FYB2: variants seen among roughly 807,000 people sequenced by gnomAD.
FYB2 encodes FYN binding protein 2, also known as FYN-binding protein 2.
FYB2 carries 103 observed loss-of-function variants against 94.1 expected under a neutral mutation model. The ratio of observed to expected loss-of-function variants is 1.09; its 90% CI spans 0.93 to 1.29. The LOEUF is 1.29. Ranked by LOEUF, FYB2 falls within the 50% of genes most tolerant of loss-of-function variation. The pLI, the probability that FYB2 is intolerant of heterozygous loss-of-function variation, is 0.00. For missense variants in FYB2, 896 were observed against 841.5 expected, an observed-to-expected ratio of 1.06 and a Z score of -0.80; for synonymous variants, 293 against 287.9, an observed-to-expected ratio of 1.02 and a Z score of -0.18.
At chr1:56,802,738 T>C (rs1279500297) in intron 1 of FYB2, among the ~76,000 whole-genome samples, 2 of 152,088 alleles carry the variant, frequency 1.3e-5, no homozygotes, top group Non-Finnish European at 2.9e-5. Context: ...GAGGAGGAAA[T>C]ATTTTGGTGT....
At chr1:56,779,694 A>T (rs927521807) in intron 4 of FYB2, among the ~76,000 whole-genome samples, 2 of 152,112 alleles carry the variant, frequency 1.3e-5, no homozygotes, top group Non-Finnish European at 2.9e-5. Context: ...CTGGCCCATC[A>T]CTCAGTCATT....
intron 8 of FYB2, 37 bp downstream of exon 8, chr1:56,753,802 A>G (rs1645258667): frequency 2.1e-6 from 3 of 1,440,972 alleles, no homozygotes; most frequent in South Asian, 2.3e-5. Context: ...CTGATCTGTT[A>G]TATGTCTAAA....
At chr1:56,813,028 T>C (rs1307845860) in intron 1 of FYB2, among the ~76,000 whole-genome samples, 5 of 152,178 alleles carry the variant, frequency 3.3e-5, no homozygotes, top group African/African-American at 1.2e-4. Context: ...GGGAAGGATC[T>C]GTACCAGACC....
At chr1:56,758,033 C>G (rs191019223) in intron 6 of FYB2, among the ~76,000 whole-genome samples, 1 of 151,254 alleles carries the variant, frequency 6.6e-6, no homozygotes, top group Admixed American at 6.6e-5. Flanking sequence ...TCTGCCTTGG[C>G]CTCCCAAAGT....
rs139449725 is a variant in FYB2 at position 56,780,231 on chromosome 1, T to A, written c.953+6944A>T. Among the ~76,000 whole-genome samples the A allele has an allele frequency of 2.7e-3, 407 of 152,312 alleles. 1 individual carries two copies. Among genetic ancestry groups the A allele is most frequent in the African/African-American group, 9.1e-3 (377 of 41,572 alleles). Reference sequence around the variant, plus strand: ...TCTCAATCATGACTTTTCTGGCTTATCATCTGAATGCCACTGAAGAGAAAA... The same window carrying A: ...TCTCAATCATGACTTTTCTGGCTTAACATCTGAATGCCACTGAAGAGAAAA... On this transcript the variant is annotated intron_variant, in intron 4 of 19. Transcript: ENST00000343433.
At position 56,748,589 on chromosome 1, in the gene FYB2, C is replaced by T. The variant is rs146548963; in HGVS notation, c.1387+2455G>A. ...TGATGTTACCTTCTCACTCTTTTAACGGTATATTTTAATGATTGTATCCTA... is the reference window on the plus strand; with the variant it reads ...TGATGTTACCTTCTCACTCTTTTAATGGTATATTTTAATGATTGTATCCTA... On this transcript the variant is annotated intron_variant, in intron 9 of 19. Transcript: ENST00000343433. 6.7e-4 allele frequency among the ~76,000 whole-genome samples: 102 copies of T among 151,978 alleles called. 1 individual carries two copies. Among genetic ancestry groups the T allele is most frequent in the Admixed American group, 1.5e-3 (23 of 15,236 alleles).
chr1:56,733,610 C>G (rs1644762781), intron 15 of FYB2, among the ~76,000 whole-genome samples: 4 of 152,104 alleles, frequency 2.6e-5, no homozygotes, highest in Admixed American at 2.0e-4. Flanking sequence ...TTAAATGTGT[C>G]CCAGAGATTC....
Position 56,792,505 on chromosome 1 carries a change from C to T in FYB2, c.308G>A (p.Cys103Tyr). The change falls in exon 2 of 20, where the codon TGT becomes TAT. Residue 103 changes from cysteine (C) to tyrosine (Y), a missense_variant. Cys to Tyr is a radical substitution (Grantham distance 194, BLOSUM62 -2). Transcript: ENST00000343433. ...AGCCTTCTGTGAACTTGTTGCAGAA[C>T]ATACAGTAGACTTTCCCAGAGGCCC... ...SPGPLGKSTV[C>Y]SATSSQKASL... The T allele has an allele frequency of 6.2e-7, 1 of 1,614,142 alleles. No individual in the cohort carries two copies. The highest frequency in any genetic ancestry group is 8.5e-7 in the Non-Finnish European group (1 of 1,180,006).
At chr1:56,722,649 G>C (rs1569841241) in intron 17 of FYB2, among the ~76,000 whole-genome samples, 1 of 152,132 alleles carries the variant, frequency 6.6e-6, no homozygotes, top group African/African-American at 2.4e-5. Context: ...CAAAGATAGA[G>C]GTGGAGGTTC....
At chr1:56,778,330 T>C (rs1645930518) in intron 4 of FYB2, among the ~76,000 whole-genome samples, 1 of 152,222 alleles carries the variant, frequency 6.6e-6, no homozygotes, top group Admixed American at 6.5e-5. Context: ...ATTACTTTAT[T>C]ACTCTTTGTA....
intron 15 of FYB2, among the ~76,000 whole-genome samples, chr1:56,728,523 A>G (rs1644633220): frequency 6.6e-6 from 1 of 152,134 alleles, no homozygotes; most frequent in African/African-American, 2.4e-5. Flanking sequence ...TATCTTGATA[A>G]AAAAGGGAGT....
At chr1:56,788,162 A>G (rs1646174778) in intron 3 of FYB2, among the ~76,000 whole-genome samples, 2 of 152,306 alleles carry the variant, frequency 1.3e-5, no homozygotes, top group South Asian at 4.1e-4. Flanking sequence ...TCTGATGTAC[A>G]CTCAAGTTTG....
In FYB2 at chr1:56,792,586, G is replaced by A. The variant is rs145422125; in HGVS notation, c.227C>T (p.Pro76Leu). 1.9e-6 allele frequency: 3 copies of A among 1,614,100 alleles called. No individual in the cohort carries two copies. Among genetic ancestry groups the A allele is most frequent in the Non-Finnish European group, 1.7e-6 (2 of 1,179,992 alleles). Residue 76 changes from proline (P) to leucine (L), a missense_variant, in exon 2 of 20, where the codon CCT becomes CTT. By Grantham distance (98) the Pro-to-Leu change is moderately conservative. Transcript: ENST00000343433. ...CSSSESQPLQ[P>L]QKIKLAQKSE... ...CTTCTGAGCCAACTTTATTTTCTGA[G>A]GTTGAAGAGGCTGGGACTCACTACT...
chr1:56,794,669 C>T (rs1347256865), intron 1 of FYB2, among the ~76,000 whole-genome samples: 1 of 152,032 alleles, frequency 6.6e-6, no homozygotes, highest in East Asian at 1.9e-4. Flanking sequence ...CTTTATCTCT[C>T]TAACACACAC....
At chr1:56,737,569 G>C (rs1449112196) in intron 14 of FYB2, 1 of 153,252 alleles carries the variant, frequency 6.5e-6, no homozygotes, top group African/African-American at 2.4e-5. Context: ...CAGTAATGTT[G>C]ATTTTTCTTC....
At chr1:56,784,084 G>A (rs1201166832) in intron 4 of FYB2, among the ~76,000 whole-genome samples, 2 of 152,092 alleles carry the variant, frequency 1.3e-5, no homozygotes, top group Non-Finnish European at 2.9e-5. Context: ...ATCTTAAGAT[G>A]TAGACCTTTA....
At chr1:56,776,331 C>T (rs759674054) in intron 4 of FYB2, among the ~76,000 whole-genome samples, 1 of 152,076 alleles carries the variant, frequency 6.6e-6, no homozygotes, top group Non-Finnish European at 1.5e-5. Context: ...CTTTGCCTGA[C>T]ATTATCACCT....
chr1:56,818,455 AACACACACAC>A lies in FYB2; in HGVS notation c.9+817_9+826del, dbSNP rs3991685. Among the ~76,000 whole-genome samples the A allele has an allele frequency of 6.2e-3, 869 of 139,914 alleles. 6 individuals carry two copies. The highest frequency in any genetic ancestry group is 0.011 in the South Asian group (45 of 3,986). 91.8% of individuals were successfully genotyped at this position (139,914 alleles called of 152,430 possible). A position where few individuals can be genotyped will look rare whatever the true frequency, so the allele number is the denominator to read the frequency against. On this transcript the variant is annotated intron_variant, in intron 1 of 19. Coordinates refer to ENST00000343433, the MANE Select transcript of FYB2 (RefSeq NM_001004303.5). ...AATATATAATAAAAAGTATGGAAGC[AACACACACAC>A]ACACACACACACACACACACACACA... is the stretch of plus-strand genomic sequence containing the variant.
intron 5 of FYB2, among the ~76,000 whole-genome samples, chr1:56,761,383 T>A (rs1220986784): frequency 2.0e-5 from 3 of 152,170 alleles, no homozygotes; most frequent in African/African-American, 7.2e-5. Flanking sequence ...TGAAGTAAAT[T>A]GTCTAAGATC....
Sources: allele counts gnomAD v4.1 joint callset (sites outside exome capture counted in the v4.1 genomes callset), GRCh38; gene constraint gnomAD v4.1.1; transcripts MANE v1.5; gene names NCBI Gene and HGNC (gene_info 2026-07-23, HGNC 2026-07-21).